The following PSD3 variants were observed in gnomAD, a reference collection of about 807,000 sequenced individuals.
PSD3 encodes the protein PH and SEC7 domain-containing protein 3.
PSD3 carries 49 observed loss-of-function variants against 105.5 expected under a neutral mutation model. The observed-to-expected ratio is 0.46, with a 90% CI of 0.37 to 0.59. PSD3 has a LOEUF of 0.59. PSD3 is among the 20% of genes least tolerant of loss of function. PSD3 has a pLI of 0.00. For missense variants in PSD3, 1,561 were observed against 1,263.8 expected (o/e 1.24, Z -3.57); for synonymous variants, 557 against 457.8 (o/e 1.22, Z -2.77).
At chr8:18,948,861 C>A (rs896396868) in intron 1 of PSD3, among the ~76,000 whole-genome samples, 2 of 125,082 alleles carry the variant, frequency 1.6e-5, no homozygotes, top group Admixed American at 7.6e-5. Flanking sequence ...AGGTGGGAAT[C>A]ATGAGAAGTA....
chr8:18,760,983 G>C (rs1585872146), intron 9 of PSD3, among the ~76,000 whole-genome samples: 2 of 152,214 alleles, frequency 1.3e-5, no homozygotes, highest in Middle Eastern at 6.8e-3. Context: ...GGATAATCTT[G>C]GGATCTTAGC....
intron 8 of PSD3, among the ~76,000 whole-genome samples, chr8:18,781,841 C>G (rs926955694): frequency 6.6e-6 from 1 of 152,116 alleles, no homozygotes; most frequent in Non-Finnish European, 1.5e-5. Context: ...GAAAATTCCA[C>G]TATTTCGTCA....
chr8:18,735,188 T>C (rs1377247155), intron 9 of PSD3, among the ~76,000 whole-genome samples: 1 of 152,118 alleles, frequency 6.6e-6, no homozygotes, highest in African/African-American at 2.4e-5. Flanking sequence ...GGGGCTGTAG[T>C]TCAACTCCAG....
At chr8:18,575,030 C>A in intron 13 of PSD3, 98 bp downstream of exon 13, 2 of 1,304,560 alleles carry the variant, frequency 1.5e-6, no homozygotes, top group South Asian at 2.0e-5. Context: ...GATTCCAACT[C>A]AAAAAATTTC....
At chr8:18,933,033 A>G (rs944349512) in intron 2 of PSD3, among the ~76,000 whole-genome samples, 5 of 152,238 alleles carry the variant, frequency 3.3e-5, no homozygotes, top group African/African-American at 1.2e-4. Flanking sequence ...AGTAAGAACC[A>G]TGTCTTCCAC....
intron 4 of PSD3, among the ~76,000 whole-genome samples, chr8:18,824,765 G>A (rs982363058): frequency 4.6e-5 from 7 of 152,092 alleles, no homozygotes; most frequent in East Asian, 1.9e-4. Flanking sequence ...ACCTGACTGC[G>A]ATACAGATAA....
At chr8:18,710,452 C>T (rs1476779759) in intron 9 of PSD3, among the ~76,000 whole-genome samples, 1 of 152,170 alleles carries the variant, frequency 6.6e-6, no homozygotes, top group Non-Finnish European at 1.5e-5. Context: ...CTTCCCCAAC[C>T]TAGCAAGACA....
At chr8:18,818,446 G>C (rs1812408054) in intron 4 of PSD3, among the ~76,000 whole-genome samples, 1 of 152,044 alleles carries the variant, frequency 6.6e-6, no homozygotes, top group South Asian at 2.1e-4. Context: ...AAGGCGAGGA[G>C]GGTGAGCGCT....
At chr8:18,632,875 T>C (rs970797714) in intron 10 of PSD3, 69 bp from the exon 11 acceptor site, 18 of 1,278,130 alleles carry the variant, frequency 1.4e-5, no homozygotes, top group Non-Finnish European at 1.7e-5. Flanking sequence ...AGGTAAGTTA[T>C]TGTAAAAAAC....
At chr8:18,922,168 A>C (rs368746758) in intron 2 of PSD3, among the ~76,000 whole-genome samples, 5 of 152,340 alleles carry the variant, frequency 3.3e-5, no homozygotes. Context: ...GAGTCAGTTC[A>C]TACACCTGAC....
chr8:18,624,859 T>C (rs1468623041), intron 11 of PSD3, among the ~76,000 whole-genome samples: 2 of 151,976 alleles, frequency 1.3e-5, no homozygotes, highest in Non-Finnish European at 2.9e-5. Flanking sequence ...ATTATACATA[T>C]CAATTTTTTT....
At position 18,577,070 on chromosome 8, in the gene PSD3, A is replaced by G. The variant is rs562635312; in HGVS notation, c.2482-1785T>C. On this transcript the variant is annotated intron_variant, in intron 12 of 15. Transcript: ENST00000327040. ...ATTTAAGGTTACAATTTTTCCTCTG[A>G]GTATGGGTTACACTGTGTAGCAGAG... Among the ~76,000 whole-genome samples, 12 of 152,028 alleles carry G rather than the reference A, an allele frequency of 7.9e-5. No homozygotes were observed. The South Asian group carries it at 2.5e-3, about 32-fold the overall frequency.
intron 8 of PSD3, among the ~76,000 whole-genome samples, chr8:18,772,100 G>A (rs1807595902): frequency 6.6e-6 from 1 of 152,132 alleles, no homozygotes; most frequent in South Asian, 2.1e-4. Flanking sequence ...ATTTTATGTA[G>A]AGACAACATT....
At chr8:18,722,617 T>G (rs1164167576) in intron 9 of PSD3, among the ~76,000 whole-genome samples, 27 of 152,220 alleles carry the variant, frequency 1.8e-4, no homozygotes, top group Admixed American at 1.6e-3. Flanking sequence ...TGTATCTAAA[T>G]ATAATCATTA....
intron 3 of PSD3, 152 bp downstream of exon 3, chr8:18,871,474 T>G: frequency 2.0e-6 from 2 of 989,260 alleles, no homozygotes; most frequent in South Asian, 3.8e-5. Flanking sequence ...AATCTTAGCT[T>G]AGAAGGACCT....
At chr8:19,043,148 C>A (rs1338226435) in intron 1 of PSD3, among the ~76,000 whole-genome samples, 1 of 152,174 alleles carries the variant, frequency 6.6e-6, no homozygotes, top group Non-Finnish European at 1.5e-5. Flanking sequence ...ACCAAGAGAT[C>A]AATTCCATGT....
chr8:19,024,898 A>T (rs879692678), intron 1 of PSD3, among the ~76,000 whole-genome samples: 161 of 152,258 alleles, frequency 1.1e-3, no homozygotes, highest in Non-Finnish European at 1.8e-3. Flanking sequence ...TAGCTTTTAT[A>T]ATAAACCAGT....
intron 9 of PSD3, among the ~76,000 whole-genome samples, chr8:18,689,427 G>A (rs11203982): frequency 6.6e-6 from 1 of 151,948 alleles, no homozygotes; most frequent in Non-Finnish European, 1.5e-5. Flanking sequence ...GTAGAAGGAG[G>A]TGAAGACTGA....
chr8:18,550,022 G>A (rs1800669198), intron 15 of PSD3, among the ~76,000 whole-genome samples: 1 of 152,192 alleles, frequency 6.6e-6, no homozygotes, highest in Non-Finnish European at 1.5e-5. Context: ...TCCCAATCTA[G>A]TCCTTTTTCT....
Sources: allele counts gnomAD v4.1 joint callset (sites outside exome capture counted in the v4.1 genomes callset), GRCh38; gene constraint gnomAD v4.1.1; transcripts MANE v1.5; gene names NCBI Gene and HGNC (gene_info 2026-07-23, HGNC 2026-07-21).